The following FBN1 variants were observed in gnomAD, a reference collection of about 807,000 sequenced individuals.
FBN1 encodes the protein fibrillin-1.
FBN1 carries 29 observed loss-of-function variants against 365.1 expected under a neutral mutation model. The ratio of observed to expected loss-of-function variants is 0.08; its 90% CI spans 0.06 to 0.11. FBN1 has a LOEUF of 0.11. Ranked by LOEUF, FBN1 falls within the 10% of genes least tolerant of loss-of-function variation. The pLI is 1.00. For synonymous variants in FBN1, 1,210 were observed against 1,270.5 expected, an observed-to-expected ratio of 0.95 and a Z score of 1.01; for missense variants, 2,476 against 3,703.2, an observed-to-expected ratio of 0.67 and a Z score of 8.60.
chr15:48,434,137 T>C (rs547735723), intron 54 of FBN1, among the ~76,000 whole-genome samples: 1 of 152,292 alleles, frequency 6.6e-6, no homozygotes, highest in Admixed American at 6.5e-5. Context: ...GCTTATATAT[T>C]ACAGGCAACC....
chr15:48,619,415 G>A (rs74014630), intron 2 of FBN1, among the ~76,000 whole-genome samples: 1,880 of 151,884 alleles, frequency 0.012, 40 homozygotes, highest in African/African-American at 0.043. Context: ...ACTCTATTAC[G>A]TTTTCCTCCC....
At chr15:48,431,119 A>G (rs371760678) in intron 55 of FBN1, among the ~76,000 whole-genome samples, 1 of 151,442 alleles carries the variant, frequency 6.6e-6, no homozygotes, top group East Asian at 1.9e-4. Context: ...TATGTTTTTG[A>G]AAGAGTCTCT....
At chr15:48,621,361 C>T (rs1597638373) in intron 2 of FBN1, among the ~76,000 whole-genome samples, 1 of 152,162 alleles carries the variant, frequency 6.6e-6, no homozygotes, top group East Asian at 1.9e-4. Context: ...CATGTTGATA[C>T]TATAAACCCT....
At position 48,445,452 on chromosome 15, in the gene FBN1, G is replaced by A. The variant is rs151181806; in HGVS notation, c.5841C>T (p.Cys1947=). 10 of 1,611,952 alleles carry A rather than the reference G, an allele frequency of 6.2e-6. No homozygotes were observed. Among genetic ancestry groups the A allele is most frequent in the Admixed American group, 5.0e-5 (3 of 59,908 alleles). The change falls in exon 48 of 66, where the codon TGC becomes TGT. Residue 1947 remains cysteine (C), a synonymous_variant. Transcript: ENST00000316623. ...ACTGGAAAGACCCCACTGTATTAAT[G>A]CATTGGCCATTTCTGCAAAGATTCC... ...GNGNLCRNGQ[C]INTVGSFQCQ...
intron 17 of FBN1, among the ~76,000 whole-genome samples, chr15:48,503,296 CAA>C (rs754101177): frequency 6.4e-4 from 48 of 74,746 alleles, no homozygotes; most frequent in African/African-American, 1.7e-3. Flanking sequence ...GACTCCATCT[CAA>C]AAAAAAAAAA....
intron 2 of FBN1, among the ~76,000 whole-genome samples, chr15:48,630,940 C>T (rs1161793035): frequency 6.6e-6 from 1 of 152,128 alleles, no homozygotes; most frequent in Non-Finnish European, 1.5e-5. Flanking sequence ...ATTTAAAACA[C>T]TCTACTCTTA....
At position 48,610,815 on chromosome 15, in the gene FBN1, G is replaced by T. The variant is rs747008489; in HGVS notation, c.259C>A (p.His87Asn). 3.1e-6 allele frequency: 5 copies of T among 1,613,780 alleles called. No homozygotes were observed. The African/African-American group carries it at 5.3e-5, about 17-fold the overall frequency. ...GNQCIVPICR[H>N]SCGDGFCSRP... is the part of the protein sequence containing the mutation. ...GAACAAAATCCATCCCCACAGGAAT[G>T]CCGGCAAATGGCTGTGAATAAACCA... The change falls in exon 4 of 66, where the codon CAT becomes AAT. Residue 87 changes from histidine (H) to asparagine (N), a missense_variant. Around this residue, in one of 5 missense-constraint regions of FBN1, gnomAD observed 22 missense variants for 64.1 expected, o/e 0.34. Transcript: ENST00000316623.
intron 14 of FBN1, 133 bp downstream of exon 14, chr15:48,509,911 C>G: frequency 1.0e-6 from 1 of 962,330 alleles, no homozygotes; most frequent in Non-Finnish European, 1.6e-6. Context: ...GAAAATTAGG[C>G]TTCCTTTTGA....
chr15:48,565,625 TAAAAAAA>T (rs35240803), intron 6 of FBN1, among the ~76,000 whole-genome samples: 3 of 138,992 alleles, frequency 2.2e-5, no homozygotes, highest in African/African-American at 5.0e-5. Context: ...TTCAATGTGA[TAAAAAAA>T]AAAAAAGAAA....
chr15:48,628,645 A>G (rs184964348), intron 2 of FBN1, among the ~76,000 whole-genome samples: 2 of 152,360 alleles, frequency 1.3e-5, no homozygotes, highest in East Asian at 3.9e-4. Flanking sequence ...TTTCTACAAC[A>G]AAGTCGCAGA....
intron 4 of FBN1, among the ~76,000 whole-genome samples, chr15:48,608,926 G>C (rs2044635093): frequency 2.0e-5 from 3 of 152,158 alleles, no homozygotes; most frequent in Admixed American, 6.5e-5. Flanking sequence ...TATCATTGAA[G>C]ACCTTCCCAA....
chr15:48,412,657 T>G lies in FBN1; in HGVS notation c.8138A>C (p.Glu2713Ala). 6.2e-7 allele frequency: 1 copy of G among 1,614,224 alleles called. No homozygotes were observed. Among genetic ancestry groups the G allele is most frequent in the Non-Finnish European group, 8.5e-7 (1 of 1,180,026 alleles). ...GEMDDNSLSP[E>A]ACYECKINGY... is the part of the protein sequence containing the mutation. ...ATTGATCTTACACTCGTAACAAGCC[T>G]CTGGGGAGAGTGAATTGTCATCCAT... Residue 2713 changes from glutamate (E) to alanine (A), a missense_variant, in exon 65 of 66, where the codon GAG (glutamate) becomes GCG (alanine). Around this residue, in one of 5 missense-constraint regions of FBN1, gnomAD observed 177 missense variants for 192.7 expected, o/e 0.92. Coordinates refer to ENST00000316623, the MANE Select transcript of FBN1 (RefSeq NM_000138.5).
At chr15:48,610,159 C>G (rs1321666830) in intron 4 of FBN1, among the ~76,000 whole-genome samples, 1 of 152,104 alleles carries the variant, frequency 6.6e-6, no homozygotes, top group Non-Finnish European at 1.5e-5. Flanking sequence ...ACAGAACAAG[C>G]AAGAAAAGGT....
intron 17 of FBN1, among the ~76,000 whole-genome samples, chr15:48,503,251 C>T (rs1430380642): frequency 6.9e-6 from 1 of 144,798 alleles, no homozygotes; most frequent in African/African-American, 2.6e-5. Flanking sequence ...GAGCTGAGAT[C>T]GCGCCACTGC....
At position 48,474,601 on chromosome 15, in the gene FBN1, T is replaced by C. The variant is rs763716418; in HGVS notation, c.4014A>G (p.Val1338=). The stretch of plus-strand genomic sequence containing the variant: ...TGAAGCTTCCTGCTGTATTGGTACA[T>C]ACAGCATGTTTGCCACAGTTGTGTG... ...IGAHNCGKHA[V]CTNTAGSFKC... The change falls in exon 33 of 66, where the codon GTA becomes GTG. Residue 1338 remains valine (V), a synonymous_variant. Coordinates refer to ENST00000316623, the MANE Select transcript of FBN1 (RefSeq NM_000138.5). The C allele has an allele frequency of 2.5e-6, 4 of 1,614,208 alleles. No individual in the cohort carries two copies. Among genetic ancestry groups the C allele is most frequent in the Non-Finnish European group, 3.4e-6 (4 of 1,180,014 alleles).
intron 35 of FBN1, 72 bp downstream of exon 35, chr15:48,472,479 G>C: frequency 7.7e-6 from 9 of 1,171,246 alleles, no homozygotes; most frequent in Admixed American, 2.3e-5. Flanking sequence ...AAAAAAAAAA[G>C]CATCAGGAAT....
intron 8 of FBN1, among the ~76,000 whole-genome samples, chr15:48,526,918 T>C (rs916720381): frequency 6.6e-6 from 1 of 152,216 alleles, no homozygotes; most frequent in Non-Finnish European, 1.5e-5. Context: ...CCTTCTAAGA[T>C]TGCCTGAGTC....
At chr15:48,485,004 C>T (rs930462287) in intron 30 of FBN1, among the ~76,000 whole-genome samples, 1 of 152,170 alleles carries the variant, frequency 6.6e-6, no homozygotes, top group African/African-American at 2.4e-5. Context: ...TGAGATTTTA[C>T]ATTTTTTTAA....
At position 48,563,753 on chromosome 15, in the gene FBN1, G is replaced by A. The variant is rs1008051596; in HGVS notation, c.539-25945C>T. ...ATCCTGTCTAGCTTTAGAGCTCCAC[G>A]TGTGTGCACATCCTACAACGATTTG... On this transcript the variant is annotated intron_variant, in intron 6 of 65. Coordinates refer to ENST00000316623, the MANE Select transcript of FBN1 (RefSeq NM_000138.5). Among the ~76,000 whole-genome samples the A allele has an allele frequency of 9.9e-5, 15 of 152,246 alleles. No individual in the cohort carries two copies. In the East Asian group the frequency reaches 2.5e-3, roughly 26 times the overall value.
Sources: gnomAD v4.1 joint callset for allele counts (sites outside exome capture counted in the v4.1 genomes callset) on GRCh38, gnomAD v4.1.1 for gene constraint, gnomAD v4.1.1 regional missense constraint, MANE v1.5 for transcripts, NCBI Gene and HGNC (gene_info 2026-07-23, HGNC 2026-07-21) for gene names.